PRKCH: variants seen among roughly 807,000 people sequenced by gnomAD.
The protein encoded by PRKCH is protein kinase C eta type.
Under a neutral mutation model 82.5 loss-of-function variants are expected in PRKCH, and 28 were observed. The observed-to-expected ratio is 0.34, with a 90% CI of 0.25 to 0.47. The LOEUF (loss-of-function observed/expected upper bound fraction) is 0.47, where lower values mean the gene tolerates loss of function less well. PRKCH is among the 20% of genes least tolerant of loss of function. The pLI is 1.00. For missense variants in PRKCH, 705 were observed against 881.8 expected (o/e 0.80, Z 2.54); for synonymous variants, 322 against 327.4 (o/e 0.98, Z 0.18).
At chr14:61,285,451 C>A (rs2045306729) in intron 1 of PRKCH, among the ~76,000 whole-genome samples, 1 of 152,206 alleles carries the variant, frequency 6.6e-6, no homozygotes, top group South Asian at 2.1e-4. Context: ...TGCTTAACTT[C>A]TCTGTTCTCA....
intron 1 of PRKCH, among the ~76,000 whole-genome samples, chr14:61,367,207 C>A (rs1039537923): frequency 6.6e-6 from 1 of 151,982 alleles, no homozygotes; most frequent in Non-Finnish European, 1.5e-5. Context: ...ACTACCATCA[C>A]AGAGAAAGGG....
At chr14:61,378,053 G>A (rs1668547770) in intron 1 of PRKCH, among the ~76,000 whole-genome samples, 1 of 152,104 alleles carries the variant, frequency 6.6e-6, no homozygotes. Flanking sequence ...TGTGTGTTCT[G>A]ATATTAGTTC....
intron 10 of PRKCH, among the ~76,000 whole-genome samples, chr14:61,519,897 T>C (rs2042880681): frequency 6.6e-6 from 1 of 151,682 alleles, no homozygotes; most frequent in South Asian, 2.1e-4. Context: ...AATGAGCTGA[T>C]GGCAACAAGT....
chr14:61,197,910 A>T (rs2044452239), intron 1 of PRKCH, among the ~76,000 whole-genome samples: 2 of 152,152 alleles, frequency 1.3e-5, no homozygotes, highest in Non-Finnish European at 2.9e-5. Flanking sequence ...ATATATTCCC[A>T]TGTTAACATT....
chr14:61,368,513 G>C (rs1460714394), intron 1 of PRKCH, among the ~76,000 whole-genome samples: 3 of 152,038 alleles, frequency 2.0e-5, no homozygotes, highest in Admixed American at 6.5e-5. Context: ...GGCAGAACAG[G>C]CTCTGCAGAG....
intron 2 of PRKCH, among the ~76,000 whole-genome samples, chr14:61,405,058 C>T (rs948562835): frequency 6.6e-5 from 10 of 152,224 alleles, no homozygotes; most frequent in Non-Finnish European, 1.3e-4. Context: ...TTGAAGAGCA[C>T]AGCATCACAT....
chr14:61,518,386 A>G (rs974803132), intron 10 of PRKCH, among the ~76,000 whole-genome samples: 1 of 151,962 alleles, frequency 6.6e-6, no homozygotes, highest in East Asian at 1.9e-4. Context: ...CGCTTCAGCC[A>G]GGGAATTTCA....
chr14:61,549,549 C>G, intron 13 of PRKCH, 136 bp from the exon 14 acceptor site: 1 of 991,936 alleles, frequency 1.0e-6, no homozygotes, highest in Middle Eastern at 2.2e-4. Context: ...TTCATCATAA[C>G]AATAACTGTA....
chr14:61,541,283 T>C (rs1008726953), intron 12 of PRKCH, among the ~76,000 whole-genome samples: 7 of 152,248 alleles, frequency 4.6e-5, no homozygotes, highest in African/African-American at 1.7e-4. Flanking sequence ...GCAACACGCA[T>C]GCGTGGTGTG....
chr14:61,285,828 C>A (rs1051407176), intron 1 of PRKCH, among the ~76,000 whole-genome samples: 1 of 152,114 alleles, frequency 6.6e-6, no homozygotes, highest in African/African-American at 2.4e-5. Context: ...CACTGTAAGG[C>A]CTTGGCATAT....
At chr14:61,210,012 G>C (rs1304865307) in intron 1 of PRKCH, among the ~76,000 whole-genome samples, 1 of 150,870 alleles carries the variant, frequency 6.6e-6, no homozygotes, top group South Asian at 2.1e-4. Flanking sequence ...GCCGAGGAGG[G>C]TGGATCACGA....
intron 2 of PRKCH, among the ~76,000 whole-genome samples, chr14:61,405,417 G>A (rs549301765): frequency 1.5e-4 from 23 of 148,662 alleles, no homozygotes; most frequent in Middle Eastern, 3.5e-3. Context: ...CACTCTTGTC[G>A]CCCAGGCTGG....
At chr14:61,202,296 T>A (rs933249320) in intron 1 of PRKCH, among the ~76,000 whole-genome samples, 1 of 152,242 alleles carries the variant, frequency 6.6e-6, no homozygotes, top group Non-Finnish European at 1.5e-5. Flanking sequence ...TCTTCTCTTT[T>A]ACATAGTCCC....
intron 1 of PRKCH, among the ~76,000 whole-genome samples, chr14:61,190,439 A>G (rs1374617721): frequency 6.6e-6 from 1 of 152,220 alleles, no homozygotes; most frequent in Non-Finnish European, 1.5e-5. Flanking sequence ...TGCCCTATTT[A>G]GTCCATTCTC....
intron 1 of PRKCH, among the ~76,000 whole-genome samples, chr14:61,309,969 T>G (rs1278678633): frequency 6.6e-6 from 1 of 151,990 alleles, no homozygotes; most frequent in Non-Finnish European, 1.5e-5. Flanking sequence ...AAAGAACCCC[T>G]TATAAAACCA....
intron 1 of PRKCH, among the ~76,000 whole-genome samples, chr14:61,313,358 A>G (rs763290048): frequency 3.3e-5 from 5 of 152,240 alleles, no homozygotes; most frequent in Non-Finnish European, 7.3e-5. Flanking sequence ...ATAGCTTTAG[A>G]GAAAATGATT....
chr14:61,334,354 G>C (rs1344365576), intron 1 of PRKCH, among the ~76,000 whole-genome samples: 1 of 152,094 alleles, frequency 6.6e-6, no homozygotes, highest in Non-Finnish European at 1.5e-5. Flanking sequence ...ACAAATGCTG[G>C]GTAGGTACCA....
intron 1 of PRKCH, among the ~76,000 whole-genome samples, chr14:61,195,775 T>G (rs1368212747): frequency 6.6e-6 from 1 of 152,158 alleles, no homozygotes; most frequent in Non-Finnish European, 1.5e-5. Context: ...TCACATGGAC[T>G]TCCCTCAGTG....
intron 2 of PRKCH, among the ~76,000 whole-genome samples, chr14:61,416,063 T>TTTC (rs1449990086): frequency 7.2e-6 from 1 of 138,538 alleles, no homozygotes; most frequent in African/African-American, 2.7e-5. Flanking sequence ...CTTTTTTTTT[T>TTTC]TTTTTTTTTT....
Sources: allele counts gnomAD v4.1 joint callset (sites outside exome capture counted in the v4.1 genomes callset), GRCh38; gene constraint gnomAD v4.1.1; transcripts MANE v1.5; gene names NCBI Gene and HGNC (gene_info 2026-07-23, HGNC 2026-07-21).